The following ME3 variants were observed in gnomAD, a reference collection of about 807,000 sequenced individuals.
The protein encoded by ME3 is NADP-dependent malic enzyme, mitochondrial.
A neutral mutation model predicts 68.9 loss-of-function variants in ME3; 48 were observed. The observed-to-expected ratio is 0.70, with a 90% CI of 0.55 to 0.89. ME3 has a LOEUF of 0.89. Ranked by LOEUF, ME3 falls within the 40% of genes least tolerant of loss-of-function variation. ME3 has a pLI of 0.00. For synonymous variants in ME3, 320 were observed against 318.8 expected (o/e 1.00, Z -0.04); for missense variants, 675 against 797.4 (o/e 0.85, Z 1.85).
Position 86,574,741 on chromosome 11 carries a change from C to A in ME3, c.184-14918G>T, listed in dbSNP as rs1957998008. Among the ~76,000 whole-genome samples, 7 of 152,304 alleles carry A rather than the reference C, an allele frequency of 4.6e-5. No homozygotes were observed. In the South Asian group the frequency reaches 1.5e-3, roughly 32 times the overall value. ...TGCTAGGCTTCCCATGTGGAGGCTT[C>A]CTCTTGTAATCTGAGAGAAGACTCA... On this transcript the variant is annotated intron_variant, in intron 2 of 14. Coordinates refer to ENST00000543262, the Ensembl canonical transcript of ME3.
intron 2 of ME3, among the ~76,000 whole-genome samples, chr11:86,578,502 T>C (rs1182845991): frequency 1.3e-5 from 2 of 152,160 alleles, no homozygotes; most frequent in East Asian, 3.9e-4. Context: ...GTGCCAGAAC[T>C]GGACACGAGA....
chr11:86,459,342 C>G (rs945337681), intron 8 of ME3, among the ~76,000 whole-genome samples: 1 of 152,174 alleles, frequency 6.6e-6, no homozygotes, highest in Non-Finnish European at 1.5e-5. Flanking sequence ...CTCCTCACCT[C>G]CATCAAAATC....
intron 2 of ME3, among the ~76,000 whole-genome samples, chr11:86,629,312 G>A (rs1282814041): frequency 6.6e-6 from 1 of 152,130 alleles, no homozygotes; most frequent in South Asian, 2.1e-4. Flanking sequence ...AACACATTTC[G>A]AGAGAAAGAT....
chr11:86,464,998 G>T, intron 8 of ME3, 93 bp downstream of exon 8: 3 of 987,928 alleles, frequency 3.0e-6, no homozygotes, highest in Non-Finnish European at 3.2e-6. Flanking sequence ...CCAACTATGG[G>T]GTGACAGCCT....
At chr11:86,538,669 C>T (rs555377904) in intron 4 of ME3, among the ~76,000 whole-genome samples, 64 of 152,302 alleles carry the variant, frequency 4.2e-4, no homozygotes, top group Non-Finnish European at 4.3e-4. Flanking sequence ...CTTCCCTCCT[C>T]ATGCTTCGGT....
chr11:86,446,546 G>A (rs1408751275), intron 12 of ME3, 59 bp from the exon 13 acceptor site: 2 of 1,521,020 alleles, frequency 1.3e-6, no homozygotes, highest in Non-Finnish European at 1.8e-6. Flanking sequence ...TAATAATAGT[G>A]GCCTATTCTT....
chr11:86,523,795 G>A (rs972600036), intron 4 of ME3, among the ~76,000 whole-genome samples: 5 of 152,032 alleles, frequency 3.3e-5, no homozygotes, highest in African/African-American at 1.2e-4. Flanking sequence ...TTTATAATCA[G>A]GAGGGGGAAA....
chr11:86,559,259 C>T (rs933138740), intron 3 of ME3, among the ~76,000 whole-genome samples: 3 of 152,100 alleles, frequency 2.0e-5, no homozygotes, highest in East Asian at 3.9e-4. Flanking sequence ...TCCCCCACCA[C>T]GTCCCCCTAA....
chr11:86,504,548 C>T (rs1457467518), intron 5 of ME3, among the ~76,000 whole-genome samples: 1 of 151,684 alleles, frequency 6.6e-6, no homozygotes, highest in African/African-American at 2.4e-5. Context: ...TGTGTGCCAC[C>T]ACACCCAACT....
chr11:86,553,375 C>T (rs1170872445), intron 4 of ME3, among the ~76,000 whole-genome samples: 1 of 152,200 alleles, frequency 6.6e-6, no homozygotes, highest in African/African-American at 2.4e-5. Flanking sequence ...GTTTCAGAAA[C>T]TGAGAAGGTG....
chr11:86,628,984 G>T (rs761356200), intron 2 of ME3, among the ~76,000 whole-genome samples: 1 of 152,204 alleles, frequency 6.6e-6, no homozygotes, highest in South Asian at 2.1e-4. Context: ...GAACCAGTCC[G>T]CTCTTCTTCC....
chr11:86,652,276 C>T (rs1219766100), intron 2 of ME3, among the ~76,000 whole-genome samples: 2 of 152,040 alleles, frequency 1.3e-5, no homozygotes, highest in Non-Finnish European at 2.9e-5. Flanking sequence ...AAGAGCAACT[C>T]CAAGACACAT....
At chr11:86,615,825 T>G (rs1942919835) in intron 2 of ME3, among the ~76,000 whole-genome samples, 1 of 152,222 alleles carries the variant, frequency 6.6e-6, no homozygotes, top group South Asian at 2.1e-4. Flanking sequence ...TCAAGGATTT[T>G]CTTGCATAAC....
intron 4 of ME3, among the ~76,000 whole-genome samples, chr11:86,539,845 T>C (rs1369778763): frequency 1.3e-5 from 2 of 152,136 alleles, no homozygotes; most frequent in Non-Finnish European, 2.9e-5. Context: ...ACATTGGAAA[T>C]AGAAGAATTG....
At chr11:86,510,151 A>T (rs1281696645) in intron 4 of ME3, among the ~76,000 whole-genome samples, 1 of 152,062 alleles carries the variant, frequency 6.6e-6, no homozygotes, top group Non-Finnish European at 1.5e-5. Context: ...CCATTTGTTC[A>T]TCTTCCATTC....
At chr11:86,484,800 G>C (rs1951597463) in intron 7 of ME3, among the ~76,000 whole-genome samples, 1 of 152,230 alleles carries the variant, frequency 6.6e-6, no homozygotes, top group Non-Finnish European at 1.5e-5. Flanking sequence ...CTTGGAGTCA[G>C]TAGTCCTGGG....
chr11:86,448,579 C>T (rs1187395842), intron 10 of ME3, among the ~76,000 whole-genome samples: 1 of 152,180 alleles, frequency 6.6e-6, no homozygotes, highest in African/African-American at 2.4e-5. Context: ...GCCTGAGTCT[C>T]ACCAAGACCC....
At chr11:86,545,453 A>G (rs1251482627) in intron 4 of ME3, among the ~76,000 whole-genome samples, 2 of 152,248 alleles carry the variant, frequency 1.3e-5, no homozygotes, top group South Asian at 4.1e-4. Context: ...TTAAGCTGAT[A>G]AGCAACTTCA....
At chr11:86,663,839 C>T (rs1263592198) in intron 2 of ME3, among the ~76,000 whole-genome samples, 2 of 152,192 alleles carry the variant, frequency 1.3e-5, no homozygotes, top group Admixed American at 6.5e-5. Context: ...TCCAAAAAAA[C>T]GCCATATATG....
Sources: allele counts gnomAD v4.1 joint callset (sites outside exome capture counted in the v4.1 genomes callset), GRCh38; gene constraint gnomAD v4.1.1; transcripts MANE v1.5; gene names NCBI Gene and HGNC (gene_info 2026-07-23, HGNC 2026-07-21).